Variants in ACCSL observed in about 807,000 individuals in gnomAD.
ACCSL encodes the protein probable inactive 1-aminocyclopropane-1-carboxylate synthase-like protein 2.
A neutral mutation model predicts 61.7 loss-of-function variants in ACCSL; 55 were observed. The ratio of observed to expected loss-of-function variants is 0.89; its 90% CI spans 0.72 to 1.12. The LOEUF (loss-of-function observed/expected upper bound fraction) is 1.12. Among genes scored for constraint, ACCSL ranks in the 50% most tolerant of loss-of-function variants. ACCSL has a pLI of 0.00. For missense variants in ACCSL, 632 were observed against 698.0 expected (o/e 0.91, Z 1.07); for synonymous variants, 258 against 264.3 (o/e 0.98, Z 0.23).
At chr11:43,925,825 G>T in the ACCSL span, among the ~76,000 whole-genome samples, 1 of 152,176 alleles carries the variant, frequency 6.6e-6, no homozygotes, top group Non-Finnish European at 1.5e-5. Context: ...ACCGTGAAAT[G>T]GACTCAGAAG....
At chr11:44,043,441 T>A (rs1014821650), upstream of ACCSL, among the ~76,000 whole-genome samples, 6 of 152,272 alleles carry the variant, frequency 3.9e-5, no homozygotes, top group African/African-American at 1.4e-4. Flanking sequence ...CCACTGTTGA[T>A]GAAGTTAGCT....
the ACCSL span, among the ~76,000 whole-genome samples, chr11:44,010,108 A>G: frequency 6.6e-6 from 1 of 152,220 alleles, no homozygotes; most frequent in African/African-American, 2.4e-5. Flanking sequence ...TGGGAGGCCA[A>G]GGTGGGGGGA....
At chr11:44,005,772 T>A in the ACCSL span, among the ~76,000 whole-genome samples, 1 of 152,126 alleles carries the variant, frequency 6.6e-6, no homozygotes, top group Non-Finnish European at 1.5e-5. Flanking sequence ...ACACTACATC[T>A]AACTCTCTCA....
chr11:43,946,353 T>C, the ACCSL span, among the ~76,000 whole-genome samples: 8 of 152,238 alleles, frequency 5.3e-5, no homozygotes, highest in Middle Eastern at 3.4e-3. Flanking sequence ...CCTCCACGGC[T>C]TCCCAAAGTG....
chr11:43,954,471 C>G, the ACCSL span, among the ~76,000 whole-genome samples: 1 of 152,166 alleles, frequency 6.6e-6, no homozygotes, highest in African/African-American at 2.4e-5. Flanking sequence ...ATTGGTCAGA[C>G]CAGGTGTGCC....
chr11:43,980,955 G>T, the ACCSL span, among the ~76,000 whole-genome samples: 1 of 152,190 alleles, frequency 6.6e-6, no homozygotes, highest in Non-Finnish European at 1.5e-5. Context: ...AGGCATCACT[G>T]CATGGCCTCC....
upstream of ACCSL, chr11:44,047,832 G>A (rs1952608661): frequency 3.3e-6 from 2 of 611,894 alleles, no homozygotes; most frequent in South Asian, 2.2e-5. Context: ...TGTACTCATT[G>A]CCCTAAAGAG....
chr11:43,924,760 C>T, the ACCSL span, among the ~76,000 whole-genome samples: 1 of 152,362 alleles, frequency 6.6e-6, no homozygotes, highest in Admixed American at 6.5e-5. Flanking sequence ...CACCAGTCCG[C>T]ACTTGGAGGA....
chr11:43,985,563 C>T, the ACCSL span, among the ~76,000 whole-genome samples: 1 of 152,210 alleles, frequency 6.6e-6, no homozygotes, highest in Admixed American at 6.5e-5. Context: ...CACCAGGCCC[C>T]AGGACAGCAC....
chr11:44,020,513 G>A, the ACCSL span, among the ~76,000 whole-genome samples: 3 of 152,098 alleles, frequency 2.0e-5, no homozygotes, highest in African/African-American at 7.2e-5. Context: ...GTGTCTTTGT[G>A]TGTTTTTATC....
At chr11:43,930,413 A>G in the ACCSL span, among the ~76,000 whole-genome samples, 1 of 152,000 alleles carries the variant, frequency 6.6e-6, no homozygotes, top group Non-Finnish European at 1.5e-5. Context: ...GCCTGGTGGG[A>G]GGTGTTTGGA....
At chr11:44,013,773 A>AAAAACAAAAAAACC in the ACCSL span, among the ~76,000 whole-genome samples, 2 of 152,216 alleles carry the variant, frequency 1.3e-5, no homozygotes, top group African/African-American at 4.8e-5. Flanking sequence ...ACAAAAAAAC[A>AAAAACAAAAAAACC]GGACTGCTTG....
chr11:44,005,696 A>G, the ACCSL span, among the ~76,000 whole-genome samples: 2 of 152,066 alleles, frequency 1.3e-5, no homozygotes, highest in Non-Finnish European at 2.9e-5. Flanking sequence ...TGAAAGTTTC[A>G]TGTTCCCAGA....
chr11:44,052,681 TC>T lies in ACCSL; in HGVS notation c.795del (p.Phe266SerfsTer17). On this transcript the variant is annotated frameshift_variant, in exon 6 of 14. Transcript: ENST00000378832. LOFTEE classifies it high-confidence loss of function. Reference sequence around the variant, plus strand: ...TTCCAGAGGCCTTCCTGGTCCCTGCTCCCTTCTATGGTGGCTTTGCCTTTAG... The same window carrying T: ...TTCCAGAGGCCTTCCTGGTCCCTGCTCCTTCTATGGTGGCTTTGCCTTTAG... The part of the protein sequence containing the change: ...DPGEAFLVPA[P>X]FYGGFAFSSR... The T allele has an allele frequency of 6.2e-7, 1 of 1,614,170 alleles. No homozygotes were observed. Among genetic ancestry groups the T allele is most frequent in the Non-Finnish European group, 8.5e-7 (1 of 1,180,022 alleles).
intron 7 of ACCSL, 87 bp from the exon 8 acceptor site, chr11:44,053,319 G>A: frequency 7.4e-7 from 1 of 1,359,826 alleles, no homozygotes; most frequent in Non-Finnish European, 1.0e-6. Context: ...GCCTTTTTGG[G>A]TGCCTAACCT....
intron 6 of ACCSL, 42 bp downstream of exon 6, chr11:44,052,801 T>G: frequency 1.9e-6 from 3 of 1,573,418 alleles, no homozygotes; most frequent in Non-Finnish European, 2.6e-6. Context: ...GCCTAGACAA[T>G]GGACTGTTCT....
the ACCSL span, among the ~76,000 whole-genome samples, chr11:43,962,734 A>C: frequency 2.0e-5 from 3 of 152,256 alleles, no homozygotes; most frequent in African/African-American, 7.2e-5. Context: ...AATATGTAAG[A>C]AAATAGCATC....
the ACCSL span, among the ~76,000 whole-genome samples, chr11:43,995,735 G>A: frequency 6.6e-5 from 10 of 152,134 alleles, no homozygotes; most frequent in Admixed American, 5.9e-4. Context: ...GCCAGCGAGT[G>A]CAGAGCCCAG....
upstream of ACCSL, among the ~76,000 whole-genome samples, chr11:44,044,333 A>G (rs1375127077): frequency 6.6e-6 from 1 of 152,176 alleles, no homozygotes; most frequent in Non-Finnish European, 1.5e-5. Flanking sequence ...CTTCAGTTTC[A>G]TCACATTCTT....
Sources: allele counts gnomAD v4.1 joint callset (sites outside exome capture counted in the v4.1 genomes callset), GRCh38; gene constraint gnomAD v4.1.1; transcripts MANE v1.5; gene names NCBI Gene and HGNC (gene_info 2026-07-23, HGNC 2026-07-21).